The following COLGALT2 variants were observed in gnomAD, a reference collection of about 807,000 sequenced individuals.
The protein encoded by COLGALT2 is procollagen galactosyltransferase 2.
In COLGALT2, 49 loss-of-function variants were observed where a neutral mutation model predicts 73.4. The ratio of observed to expected loss-of-function variants is 0.67; its 90% CI spans 0.53 to 0.85. The LOEUF (loss-of-function observed/expected upper bound fraction) is 0.85, where lower values mean the gene tolerates loss of function less well. COLGALT2 is among the 40% of genes least tolerant of loss of function. The probability of loss-of-function intolerance (pLI) is 0.00; values close to 1 mark genes in which losing one functional copy is unlikely to be tolerated. For synonymous variants in COLGALT2, 295 were observed against 307.6 expected, an observed-to-expected ratio of 0.96 and a Z score of 0.43; for missense variants, 722 against 790.2, an observed-to-expected ratio of 0.91 and a Z score of 1.03.
chr1:183,991,533 G>C (rs1671628717), intron 1 of COLGALT2, among the ~76,000 whole-genome samples: 1 of 152,190 alleles, frequency 6.6e-6, no homozygotes, highest in Non-Finnish European at 1.5e-5. Context: ...AGCCCAGTCA[G>C]TCACTGTTAT....
intron 1 of COLGALT2, among the ~76,000 whole-genome samples, chr1:183,987,846 T>C (rs2102827442): frequency 6.6e-6 from 1 of 152,340 alleles, no homozygotes; most frequent in East Asian, 1.9e-4. Context: ...CCAGAAATGC[T>C]AGGCTTTCAA....
intron 1 of COLGALT2, among the ~76,000 whole-genome samples, chr1:184,028,507 T>C (rs774756420): frequency 1.1e-4 from 17 of 152,208 alleles, no homozygotes; most frequent in Non-Finnish European, 2.2e-4. Context: ...AGCAATTGTA[T>C]GCACTTTGGG....
intron 10 of COLGALT2, among the ~76,000 whole-genome samples, chr1:183,942,244 A>G (rs6687598): frequency 0.56 from 84,348 of 151,890 alleles, 23,524 homozygotes; most frequent in East Asian, 0.64. Flanking sequence ...CACTGCGCCC[A>G]GCCCAGTTTA....
Position 183,937,158 on chromosome 1 carries a change from T to C in COLGALT2, c.*1603A>G. 1 of 1,228,468 alleles carries C rather than the reference T, an allele frequency of 8.1e-7. No individual in the cohort carries two copies. The highest frequency in any genetic ancestry group is 1.0e-6 in the Non-Finnish European group (1 of 986,466). 76.1% of individuals were successfully genotyped at this position (1,228,468 alleles called of 1,614,324 possible). A position where few individuals can be genotyped will look rare whatever the true frequency, so the allele number is the denominator to read the frequency against. Reference sequence around the variant, plus strand: ...AGCACCACCCGCCTGTGGACTCTGCTCTGAAGGGCCCTCCCCATGAGTTTA... The same window carrying C: ...AGCACCACCCGCCTGTGGACTCTGCCCTGAAGGGCCCTCCCCATGAGTTTA... On this transcript the variant is annotated 3_prime_UTR_variant, in exon 12 of 12. Transcript: ENST00000361927.
In COLGALT2 at chr1:184,030,541, A is replaced by T. The variant is rs541391274; in HGVS notation, c.263+6554T>A. ...GTGCCATAGACTTGGAGACGGTGCC[A>T]CACAGCAATATGACCCAAGTGCACG... On this transcript the variant is annotated intron_variant, in intron 1 of 11. Transcript: ENST00000361927. Among the ~76,000 whole-genome samples, 63 of 152,342 alleles carry T rather than the reference A, an allele frequency of 4.1e-4. 1 individual carries two copies. The highest frequency in any genetic ancestry group is 1.4e-3 in the African/African-American group (59 of 41,576).
rs1430708774 is a variant in COLGALT2 at position 183,992,638 on chromosome 1, T to C, written c.264-14118A>G. Among the ~76,000 whole-genome samples the C allele has an allele frequency of 2.6e-5, 4 of 152,346 alleles. No individual in the cohort carries two copies. The East Asian group carries it at 7.7e-4, about 29-fold the overall frequency. On this transcript the variant is annotated intron_variant, in intron 1 of 11. Coordinates refer to ENST00000361927, the MANE Select transcript of COLGALT2 (RefSeq NM_015101.4). Reference sequence around the variant, plus strand: ...AGTTGTTTATCTGGTCTCTGACAGATAGGTTTAAGAATCTTTGCTCTTGCT... The same window carrying C: ...AGTTGTTTATCTGGTCTCTGACAGACAGGTTTAAGAATCTTTGCTCTTGCT...
chr1:183,932,001 T>C (rs1255429824), downstream of COLGALT2, among the ~76,000 whole-genome samples: 1 of 152,178 alleles, frequency 6.6e-6, no homozygotes, highest in Non-Finnish European at 1.5e-5. Context: ...AAATATGTTA[T>C]CTGAGAGTTT....
intron 1 of COLGALT2, among the ~76,000 whole-genome samples, chr1:183,987,578 A>T (rs1186401820): frequency 1.3e-5 from 2 of 152,168 alleles, no homozygotes; most frequent in African/African-American, 4.8e-5. Flanking sequence ...TCATTACTTG[A>T]CTTTCTTCCC....
At chr1:184,005,731 C>T (rs1172136427) in intron 1 of COLGALT2, among the ~76,000 whole-genome samples, 1 of 152,142 alleles carries the variant, frequency 6.6e-6, no homozygotes, top group Non-Finnish European at 1.5e-5. Context: ...CGACTTATTC[C>T]CCAGGAGACA....
chr1:183,962,991 C>T (rs1443376035), intron 6 of COLGALT2, among the ~76,000 whole-genome samples: 3 of 152,234 alleles, frequency 2.0e-5, no homozygotes, highest in Non-Finnish European at 2.9e-5. Context: ...ACGTTCACAC[C>T]CCCGTGCTCT....
intron 9 of COLGALT2, 47 bp downstream of exon 9, chr1:183,945,385 C>T (rs1280009178): frequency 6.2e-7 from 1 of 1,601,582 alleles, no homozygotes; most frequent in Admixed American, 1.7e-5. Flanking sequence ...AGCCTGCTTT[C>T]CTTTCTCCTC....
intron 1 of COLGALT2, among the ~76,000 whole-genome samples, chr1:183,984,281 T>A (rs1671429109): frequency 6.6e-6 from 1 of 152,202 alleles, no homozygotes; most frequent in Non-Finnish European, 1.5e-5. Context: ...GGTGTGTGCC[T>A]GTAGTCCCAG....
chr1:184,008,548 T>C (rs1558335483), intron 1 of COLGALT2, among the ~76,000 whole-genome samples: 1 of 152,062 alleles, frequency 6.6e-6, no homozygotes, highest in Non-Finnish European at 1.5e-5. Flanking sequence ...TGAGCACATA[T>C]TGAGAACCCC....
intron 1 of COLGALT2, among the ~76,000 whole-genome samples, chr1:184,006,980 A>T (rs1672104053): frequency 6.6e-6 from 1 of 152,218 alleles, no homozygotes; most frequent in Admixed American, 6.5e-5. Flanking sequence ...TTTACCATTG[A>T]ACAACTACTA....
chr1:183,930,318 AAG>A (rs536213821), intron 11 of COLGALT2: 1 of 456,244 alleles, frequency 2.2e-6, no homozygotes, highest in Non-Finnish European at 4.4e-6. Context: ...GAGTTGAAGA[AAG>A]AGAGATGCTG....
intron 5 of COLGALT2, among the ~76,000 whole-genome samples, chr1:183,966,066 T>C (rs183459663): frequency 1.2e-4 from 19 of 152,184 alleles, no homozygotes; most frequent in African/African-American, 3.6e-4. Context: ...AAGTAAATAT[T>C]AGAGATAAAA....
chr1:183,938,792 A>G lies in COLGALT2; in HGVS notation c.1850T>C (p.Leu617Pro). The change falls in exon 12 of 12, where the codon CTG becomes CCG. Residue 617 changes from leucine to proline, a missense_variant. Leu to Pro is a moderately conservative substitution (Grantham distance 98). Coordinates refer to ENST00000361927, the MANE Select transcript of COLGALT2 (RefSeq NM_015101.4). ...CTCATCCCTTGAAGGCACAGTGTCC[A>G]GGGAGGTTGGCGGTGGCAGGGCCTC... The part of the protein sequence containing the change: ...NTEALPPPTS[L>P]DTVPSRDEL The G allele has an allele frequency of 6.2e-7, 1 of 1,614,168 alleles. No homozygotes were observed. Among genetic ancestry groups the G allele is most frequent in the Non-Finnish European group, 8.5e-7 (1 of 1,180,034 alleles).
intron 1 of COLGALT2, among the ~76,000 whole-genome samples, chr1:184,005,381 C>A (rs1284881506): frequency 6.6e-6 from 1 of 152,198 alleles, no homozygotes; most frequent in African/African-American, 2.4e-5. Context: ...CTAAGTTGCT[C>A]TCTTGCCATA....
downstream of COLGALT2, among the ~76,000 whole-genome samples, chr1:183,932,851 C>T (rs2986554): frequency 0.74 from 111,968 of 151,924 alleles, 41,460 homozygotes; most frequent in South Asian, 0.79. Flanking sequence ...GTCCCCACCT[C>T]CTTGGGTGGA....
Sources: allele counts gnomAD v4.1 joint callset (sites outside exome capture counted in the v4.1 genomes callset), GRCh38; gene constraint gnomAD v4.1.1; transcripts MANE v1.5; gene names NCBI Gene and HGNC (gene_info 2026-07-23, HGNC 2026-07-21).